Variants in CDH9 observed in about 807,000 individuals in gnomAD.
CDH9 encodes cadherin 9.
In CDH9, 28 loss-of-function variants were observed where a neutral mutation model predicts 70.9. That is an observed-to-expected ratio of 0.40 (90% CI 0.29 to 0.54). The LOEUF is 0.54. Among genes scored for constraint, CDH9 ranks in the 20% least tolerant of loss-of-function variants. The pLI is 0.59. For missense variants in CDH9, 874 were observed against 984.4 expected, an observed-to-expected ratio of 0.89 and a Z score of 1.50; for synonymous variants, 409 against 343.1, an observed-to-expected ratio of 1.19 and a Z score of -2.12.
chr5:26,927,140 T>A (rs1356237512), intron 2 of CDH9, among the ~76,000 whole-genome samples: 1 of 151,844 alleles, frequency 6.6e-6, no homozygotes, highest in Non-Finnish European at 1.5e-5. Context: ...ATCAACAGAA[T>A]AAAGGGAAAA....
At chr5:26,985,206 C>T (rs191930767) in intron 2 of CDH9, among the ~76,000 whole-genome samples, 161 of 152,122 alleles carry the variant, frequency 1.1e-3, no homozygotes, top group Non-Finnish European at 1.8e-3. Context: ...GCTATATACA[C>T]GCAATTCTAC....
chr5:26,956,350 C>A (rs531171690), intron 2 of CDH9, among the ~76,000 whole-genome samples: 1 of 151,778 alleles, frequency 6.6e-6, no homozygotes, highest in South Asian at 2.1e-4. Flanking sequence ...TCTTTTTTTT[C>A]TTTTTGTAAA....
chr5:26,992,841 A>T (rs1388222917), intron 1 of CDH9, among the ~76,000 whole-genome samples: 1 of 152,174 alleles, frequency 6.6e-6, no homozygotes, highest in East Asian at 1.9e-4. Context: ...TCAGGCCTGT[A>T]ATCCTAGCAC....
Position 26,881,025 on chromosome 5 carries a change from G to A in CDH9, c.*111C>T, listed in dbSNP as rs529850485. ...CCCTACTTGACAACATCTACGTATT[G>A]TTTGTAACTTCAATTTTTGAAAGAT... On this transcript the variant is annotated 3_prime_UTR_variant, in exon 12 of 12. Coordinates refer to ENST00000231021, the MANE Select transcript of CDH9 (RefSeq NM_016279.4). 8 of 983,300 alleles carry A rather than the reference G, an allele frequency of 8.1e-6. No homozygotes were observed. Among genetic ancestry groups the A allele is most frequent in the Middle Eastern group, 2.2e-4 (1 of 4,594 alleles). The allele number at this position is 983,300 out of a possible 1,614,324, so 60.9% of individuals were successfully genotyped here.
intron 1 of CDH9, among the ~76,000 whole-genome samples, chr5:27,033,273 TA>T (rs1579524723): frequency 6.6e-6 from 1 of 151,420 alleles, no homozygotes; most frequent in Admixed American, 6.6e-5. Flanking sequence ...CACATTGTAA[TA>T]ATTAAATATT....
chr5:26,906,521 G>A (rs1740951734), intron 4 of CDH9, among the ~76,000 whole-genome samples, 198 bp downstream of exon 4: 2 of 152,018 alleles, frequency 1.3e-5, no homozygotes, highest in African/African-American at 4.8e-5. Context: ...ATGAATAATA[G>A]TTTAAAGAGC....
At chr5:26,920,305 A>G (rs1741222080) in intron 2 of CDH9, among the ~76,000 whole-genome samples, 1 of 151,612 alleles carries the variant, frequency 6.6e-6, no homozygotes, top group Admixed American at 6.6e-5. Context: ...GGGAAGACTG[A>G]GGGATTTTTT....
At chr5:26,935,209 A>T (rs1347546039) in intron 2 of CDH9, among the ~76,000 whole-genome samples, 1 of 152,210 alleles carries the variant, frequency 6.6e-6, no homozygotes, top group Non-Finnish European at 1.5e-5. Flanking sequence ...CAGTAAGAGC[A>T]AGCTAAAAAT....
intron 2 of CDH9, among the ~76,000 whole-genome samples, chr5:26,920,763 T>C (rs1185688118): frequency 1.3e-5 from 2 of 152,054 alleles, no homozygotes; most frequent in Non-Finnish European, 2.9e-5. Context: ...CCTCTATGAG[T>C]CTGCAAGAGC....
chr5:26,926,025 C>G (rs959311430), intron 2 of CDH9, among the ~76,000 whole-genome samples: 6 of 152,118 alleles, frequency 3.9e-5, no homozygotes, highest in South Asian at 2.1e-4. Flanking sequence ...CCTTTGAAAA[C>G]TGGCACAAGA....
intron 1 of CDH9, among the ~76,000 whole-genome samples, chr5:27,012,644 T>C (rs947436194): frequency 6.6e-6 from 1 of 151,992 alleles, no homozygotes; most frequent in Non-Finnish European, 1.5e-5. Flanking sequence ...ACAAGCCAAA[T>C]AAAATCTACA....
At chr5:27,020,632 C>CT (rs998114946) in intron 1 of CDH9, among the ~76,000 whole-genome samples, 3 of 151,276 alleles carry the variant, frequency 2.0e-5, no homozygotes, top group African/African-American at 7.3e-5. Context: ...GTTGCACAGA[C>CT]TTTTGTTTTA....
intron 2 of CDH9, among the ~76,000 whole-genome samples, chr5:26,927,357 C>T (rs1741361115): frequency 6.6e-6 from 1 of 152,026 alleles, no homozygotes; most frequent in Non-Finnish European, 1.5e-5. Flanking sequence ...CCCAAGTTCA[C>T]CACTGTTATT....
intron 2 of CDH9, among the ~76,000 whole-genome samples, chr5:26,960,829 C>T (rs958279252): frequency 2.6e-5 from 4 of 151,878 alleles, no homozygotes; most frequent in African/African-American, 7.3e-5. Context: ...TGGGCATCCT[C>T]GGGATTTTAT....
At chr5:26,892,267 C>T (rs1003474015) in intron 7 of CDH9, among the ~76,000 whole-genome samples, 1 of 152,080 alleles carries the variant, frequency 6.6e-6, no homozygotes, top group African/African-American at 2.4e-5. Context: ...TTTAATTGAG[C>T]CATATCAGAA....
chr5:26,883,923 CTA>C (rs1370284734), intron 11 of CDH9, among the ~76,000 whole-genome samples: 1 of 151,982 alleles, frequency 6.6e-6, no homozygotes, highest in East Asian at 1.9e-4. Flanking sequence ...ATTGTCAGTG[CTA>C]TGTCACTATC....
At chr5:26,922,748 T>G (rs1424093878) in intron 2 of CDH9, among the ~76,000 whole-genome samples, 1 of 151,920 alleles carries the variant, frequency 6.6e-6, no homozygotes, top group East Asian at 1.9e-4. Context: ...ACTCATATCT[T>G]GACTAGAAAG....
At chr5:26,942,889 T>G (rs1741687185) in intron 2 of CDH9, among the ~76,000 whole-genome samples, 1 of 152,224 alleles carries the variant, frequency 6.6e-6, no homozygotes, top group Admixed American at 6.5e-5. Flanking sequence ...CTTTTGTTTC[T>G]GTTTTGTTTT....
At chr5:26,987,450 T>G (rs937743290) in intron 2 of CDH9, among the ~76,000 whole-genome samples, 3 of 151,864 alleles carry the variant, frequency 2.0e-5, no homozygotes, top group Admixed American at 6.6e-5. Flanking sequence ...ATTGGAGAGA[T>G]AATGAGCTAA....
Sources: allele counts gnomAD v4.1 joint callset (sites outside exome capture counted in the v4.1 genomes callset), GRCh38; gene constraint gnomAD v4.1.1; transcripts MANE v1.5; gene names NCBI Gene and HGNC (gene_info 2026-07-23, HGNC 2026-07-21).